The following GAS7 variants were observed in gnomAD, a reference collection of about 807,000 sequenced individuals.
The protein encoded by GAS7 is growth arrest-specific protein 7.
GAS7 carries 28 observed loss-of-function variants against 71.1 expected under a neutral mutation model. That is an observed-to-expected ratio of 0.39 (90% CI 0.29 to 0.54). The LOEUF is 0.54. Ranked by LOEUF, GAS7 falls within the 20% of genes least tolerant of loss-of-function variation. GAS7 has a pLI of 0.62. For synonymous variants in GAS7, 258 were observed against 245.8 expected, an observed-to-expected ratio of 1.05 and a Z score of -0.46; for missense variants, 436 against 627.8, an observed-to-expected ratio of 0.69 and a Z score of 3.27.
At chr17:10,099,339 C>T (rs1190112031) in intron 1 of GAS7, among the ~76,000 whole-genome samples, 1 of 152,146 alleles carries the variant, frequency 6.6e-6, no homozygotes, top group Admixed American at 6.5e-5. Context: ...AGGCTTCTAC[C>T]ACAGACGCCG....
chr17:10,005,197 G>A (rs1381396786), intron 2 of GAS7, among the ~76,000 whole-genome samples: 3 of 148,824 alleles, frequency 2.0e-5, no homozygotes, highest in Non-Finnish European at 3.0e-5. Flanking sequence ...GTGCACGCAT[G>A]CATGTGTGTG....
intron 1 of GAS7, among the ~76,000 whole-genome samples, chr17:10,139,760 G>C (rs2074066051): frequency 6.6e-6 from 1 of 152,196 alleles, no homozygotes; most frequent in East Asian, 1.9e-4. Flanking sequence ...ATATGGTGCG[G>C]GAAAGGGAAG....
At chr17:10,116,032 C>T (rs1597801143) in intron 1 of GAS7, among the ~76,000 whole-genome samples, 1 of 152,166 alleles carries the variant, frequency 6.6e-6, no homozygotes, top group Admixed American at 6.5e-5. Context: ...TTGGGTTGGC[C>T]GGCCATGGTG....
At chr17:10,179,705 C>A (rs1380968326) in intron 1 of GAS7, among the ~76,000 whole-genome samples, 1 of 152,148 alleles carries the variant, frequency 6.6e-6, no homozygotes, top group Non-Finnish European at 1.5e-5. Flanking sequence ...ACCAGACAAA[C>A]AGGGACCTGA....
chr17:10,138,573 A>G (rs1597813851), intron 1 of GAS7, among the ~76,000 whole-genome samples: 1 of 151,876 alleles, frequency 6.6e-6, no homozygotes, highest in Non-Finnish European at 1.5e-5. Context: ...GACCAGCCTG[A>G]CCAACATGGT....
chr17:9,994,985 G>C (rs139845017), intron 2 of GAS7, among the ~76,000 whole-genome samples: 1 of 152,214 alleles, frequency 6.6e-6, no homozygotes, highest in East Asian at 1.9e-4. Flanking sequence ...TATTCTCACC[G>C]TGACGTGGCA....
chr17:10,004,965 G>A (rs145750074), intron 2 of GAS7, among the ~76,000 whole-genome samples: 147 of 152,170 alleles, frequency 9.7e-4, no homozygotes, highest in African/African-American at 3.5e-3. Context: ...AGCTGAGATC[G>A]CGCCATTGCA....
intron 1 of GAS7, among the ~76,000 whole-genome samples, chr17:10,029,045 G>C (rs1423583989): frequency 2.6e-5 from 4 of 152,178 alleles, no homozygotes; most frequent in African/African-American, 9.7e-5. Context: ...GCTGTTCAAG[G>C]CAAAGTGGAT....
intron 1 of GAS7, among the ~76,000 whole-genome samples, chr17:10,147,261 T>C (rs1054402285): frequency 2.0e-5 from 3 of 152,224 alleles, no homozygotes; most frequent in Non-Finnish European, 2.9e-5. Flanking sequence ...GCCTGGTTTA[T>C]GGCTTTTGAA....
chr17:10,139,000 T>C (rs1026582669), intron 1 of GAS7, among the ~76,000 whole-genome samples: 2 of 152,208 alleles, frequency 1.3e-5, no homozygotes, highest in Non-Finnish European at 2.9e-5. Flanking sequence ...CCACATCTAT[T>C]TGTGCCTTTA....
intron 1 of GAS7, among the ~76,000 whole-genome samples, chr17:10,078,895 A>T (rs565637581): frequency 9.0e-4 from 137 of 152,254 alleles, no homozygotes; most frequent in East Asian, 3.5e-3. Context: ...ACAAAAAAAA[A>T]TTTTTTTAAT....
At chr17:10,108,608 T>C (rs949291723) in intron 1 of GAS7, among the ~76,000 whole-genome samples, 1 of 152,164 alleles carries the variant, frequency 6.6e-6, no homozygotes, top group Non-Finnish European at 1.5e-5. Context: ...AGTAACCAGA[T>C]AGCATGACGT....
chr17:10,063,639 G>T (rs1567576001), intron 1 of GAS7, among the ~76,000 whole-genome samples: 1 of 152,162 alleles, frequency 6.6e-6, no homozygotes, highest in Non-Finnish European at 1.5e-5. Context: ...GGGTGTCAGG[G>T]TGAGGATCTC....
intron 1 of GAS7, among the ~76,000 whole-genome samples, chr17:10,109,794 G>A (rs555875699): frequency 8.5e-5 from 13 of 152,246 alleles, no homozygotes; most frequent in East Asian, 1.9e-4. Context: ...GGTGGTACAC[G>A]CCTGTAATCC....
chr17:9,919,257 C>CTCGT lies in GAS7; in HGVS notation c.1218+365_1218+368dup, dbSNP rs1468686189. ...AGGATCTCCTACCAAGGACCTGCAA[C>CTCGT]TCGTGTGTGTGCATGTGTGGGGCGG... On this transcript the variant is annotated intron_variant, in intron 12 of 13. Transcript: ENST00000432992. The surrounding 1 kb of genome is among the most constrained non-coding windows in gnomAD (Gnocchi z 5.0). 6.6e-6 allele frequency among the ~76,000 whole-genome samples: 1 copy of CTCGT among 152,156 alleles called. No homozygotes were observed. Among genetic ancestry groups the CTCGT allele is most frequent in the African/African-American group, 2.4e-5 (1 of 41,432 alleles).
chr17:10,027,942 G>C (rs1287731806), intron 1 of GAS7, among the ~76,000 whole-genome samples: 1 of 152,222 alleles, frequency 6.6e-6, no homozygotes, highest in Non-Finnish European at 1.5e-5. Flanking sequence ...GGAGTGCAGT[G>C]GCACGATCTC....
chr17:9,946,799 C>T (rs2068803595), intron 6 of GAS7, 95 bp downstream of exon 6: 2 of 724,094 alleles, frequency 2.8e-6, no homozygotes, highest in African/African-American at 1.8e-5. Flanking sequence ...GAGAAAGGCC[C>T]CTCCACTTTG....
Position 10,047,617 on chromosome 17 carries a change from A to C in GAS7, c.184-27720T>G, listed in dbSNP as rs752255898. 5.3e-5 allele frequency among the ~76,000 whole-genome samples: 8 copies of C among 152,360 alleles called. 1 individual carries two copies. On this transcript the variant is annotated intron_variant, in intron 1 of 13. Coordinates refer to ENST00000432992, the MANE Select transcript of GAS7 (RefSeq NM_201433.2). The stretch of plus-strand genomic sequence containing the variant: ...ATCATTCAGAAGAAAAACTGTCAGG[A>C]AACTGTCAGAATGTAAGAAGCTGTG...
intron 2 of GAS7, among the ~76,000 whole-genome samples, chr17:10,015,855 TC>T (rs2071974830): frequency 6.6e-6 from 1 of 152,082 alleles, no homozygotes; most frequent in Non-Finnish European, 1.5e-5. Flanking sequence ...CTCCCCTGAT[TC>T]CCCAGGGTCT....
Sources: gnomAD v4.1 joint callset for allele counts (sites outside exome capture counted in the v4.1 genomes callset) on GRCh38, gnomAD v4.1.1 for gene constraint, Gnocchi (gnomAD v3.1) non-coding constraint, MANE v1.5 for transcripts, NCBI Gene and HGNC (gene_info 2026-07-23, HGNC 2026-07-21) for gene names.